ARFGEF1: variants seen among roughly 807,000 people sequenced by gnomAD.
The protein encoded by ARFGEF1 is brefeldin A-inhibited guanine nucleotide-exchange protein 1.
In ARFGEF1, 42 loss-of-function variants were observed where a neutral mutation model predicts 231.0. The observed-to-expected ratio is 0.18, with a 90% confidence interval of 0.14 to 0.24. The LOEUF is 0.24. ARFGEF1 is among the 10% of genes least tolerant of loss of function. The pLI, the probability that ARFGEF1 is intolerant of heterozygous loss-of-function variation, is 1.00. For missense variants in ARFGEF1, 1,345 were observed against 2,192.0 expected, an observed-to-expected ratio of 0.61 and a Z score of 7.72; for synonymous variants, 710 against 732.3, an observed-to-expected ratio of 0.97 and a Z score of 0.49.
At chr8:67,235,062 GTATGTGTGTATATATATATA>G (rs1839675793) in intron 22 of ARFGEF1, among the ~76,000 whole-genome samples, 1 of 146,888 alleles carries the variant, frequency 6.8e-6, no homozygotes, top group African/African-American at 2.6e-5. Context: ...AAAAATATGT[GTATGTGTGTATATATATATA>G]TATGTGTGTG....
At chr8:67,222,751 A>G (rs893624890) in intron 29 of ARFGEF1, among the ~76,000 whole-genome samples, 10 of 151,724 alleles carry the variant, frequency 6.6e-5, no homozygotes, top group Admixed American at 5.9e-4. Context: ...TGCCTGGCCA[A>G]ATTTTTGTAT....
intron 7 of ARFGEF1, among the ~76,000 whole-genome samples, chr8:67,280,623 A>T (rs1805494740): frequency 6.6e-6 from 1 of 152,184 alleles, no homozygotes; most frequent in Non-Finnish European, 1.5e-5. Context: ...ATTCACCCCA[A>T]GCTTGACTTT....
chr8:67,196,955 T>C (rs1248046298), downstream of ARFGEF1, among the ~76,000 whole-genome samples: 1 of 152,004 alleles, frequency 6.6e-6, no homozygotes, highest in African/African-American at 2.4e-5. Context: ...AAGCAAAGAC[T>C]GAATACTTTT....
At chr8:67,322,625 A>T (rs2128928451) in intron 1 of ARFGEF1, among the ~76,000 whole-genome samples, 1 of 152,292 alleles carries the variant, frequency 6.6e-6, no homozygotes, top group East Asian at 1.9e-4. Flanking sequence ...GAATCACTTC[A>T]GCCCAGGAGT....
chr8:67,209,924 G>A (rs1345004740), intron 34 of ARFGEF1, among the ~76,000 whole-genome samples: 6 of 151,926 alleles, frequency 3.9e-5, no homozygotes, highest in South Asian at 2.1e-4. Flanking sequence ...AGGCCAAGCC[G>A]GGTGGATCAC....
chr8:67,301,086 T>TA (rs1461956095), intron 3 of ARFGEF1, 138 bp downstream of exon 3: 16 of 801,748 alleles, frequency 2.0e-5, no homozygotes, highest in Non-Finnish European at 3.0e-5. Context: ...GTCTTAAATA[T>TA]AAAAAATCAC....
intron 1 of ARFGEF1, 62 bp downstream of exon 1, chr8:67,343,102 C>CCCGGGG: frequency 3.6e-6 from 2 of 560,590 alleles, no homozygotes; most frequent in Non-Finnish European, 5.4e-6. Flanking sequence ...CACCCCCCCA[C>CCCGGGG]AGGCGCCCCC....
chr8:67,285,335 G>A (rs1484636645), intron 7 of ARFGEF1, among the ~76,000 whole-genome samples: 1 of 151,962 alleles, frequency 6.6e-6, no homozygotes, highest in Non-Finnish European at 1.5e-5. Flanking sequence ...GACAACACAA[G>A]CAAGACCCCA....
At chr8:67,244,329 T>TGAGGCAGGTTCAA (rs1437267388) in intron 19 of ARFGEF1, among the ~76,000 whole-genome samples, 1 of 145,730 alleles carries the variant, frequency 6.9e-6, no homozygotes, top group African/African-American at 2.6e-5. Flanking sequence ...TTTTTTTTTT[T>TGAGGCAGGTTCAA]TTTTGAGGAT....
intron 5 of ARFGEF1, among the ~76,000 whole-genome samples, chr8:67,188,987 G>A (rs1197411580): frequency 6.6e-6 from 1 of 152,196 alleles, no homozygotes; most frequent in South Asian, 2.1e-4. Flanking sequence ...CCGCCATCTT[G>A]GAAGCGGCCC....
intron 34 of ARFGEF1, among the ~76,000 whole-genome samples, chr8:67,209,963 T>C (rs2129577712): frequency 6.6e-6 from 1 of 151,966 alleles, no homozygotes; most frequent in East Asian, 1.9e-4. Context: ...CCACCCTGAC[T>C]ACCGTGGTGA....
At chr8:67,277,914 T>A (rs1805378758) in intron 7 of ARFGEF1, among the ~76,000 whole-genome samples, 1 of 152,170 alleles carries the variant, frequency 6.6e-6, no homozygotes, top group Non-Finnish European at 1.5e-5. Flanking sequence ...GTATGTTGTG[T>A]TTCCAAAATT....
intron 35 of ARFGEF1, among the ~76,000 whole-genome samples, chr8:67,204,031 C>T (rs1563834244): frequency 1.3e-5 from 2 of 152,180 alleles, no homozygotes; most frequent in Non-Finnish European, 2.9e-5. Context: ...TACTGGAAAG[C>T]TCTTACCAGT....
In ARFGEF1 at chr8:67,319,665, A is replaced by C. The variant is rs1442976926; in HGVS notation, c.125-17199T>G. Among the ~76,000 whole-genome samples the C allele has an allele frequency of 2.0e-5, 3 of 152,314 alleles. 1 individual carries two copies. Among genetic ancestry groups the C allele is most frequent in the Middle Eastern group, 6.8e-3 (2 of 294 alleles). On this transcript the variant is annotated intron_variant, in intron 1 of 38. Transcript: ENST00000262215. ...ATTCGGCAGAGTTCTTAGATAAAATACCAAAAGCATGTGACATAAAAGAAA... is the reference window on the plus strand; with the variant it reads ...ATTCGGCAGAGTTCTTAGATAAAATCCCAAAAGCATGTGACATAAAAGAAA...
At chr8:67,320,839 G>A (rs1460276497) in intron 1 of ARFGEF1, among the ~76,000 whole-genome samples, 2 of 151,968 alleles carry the variant, frequency 1.3e-5, no homozygotes, top group African/African-American at 4.8e-5. Flanking sequence ...GCAGGCGCCT[G>A]TAATCCAGCT....
chr8:67,244,313 G>GTTT (rs1322146467), intron 19 of ARFGEF1, among the ~76,000 whole-genome samples: 4 of 83,534 alleles, frequency 4.8e-5, no homozygotes, highest in African/African-American at 1.9e-4. Context: ...TGTTGTTGTT[G>GTTT]TTGTTTTTTT....
intron 7 of ARFGEF1, among the ~76,000 whole-genome samples, chr8:67,280,594 T>A (rs1464118395): frequency 6.6e-6 from 1 of 152,150 alleles, no homozygotes; most frequent in African/African-American, 2.4e-5. Context: ...CAGTGTAGAA[T>A]ATATAAAAAG....
At position 67,302,426 on chromosome 8, in the gene ARFGEF1, T is replaced by C; in HGVS notation, c.155+10A>G. The C allele has an allele frequency of 6.4e-7, 1 of 1,562,486 alleles. No homozygotes were observed. The highest frequency in any genetic ancestry group is 8.6e-7 in the Non-Finnish European group (1 of 1,159,198). The stretch of plus-strand genomic sequence containing the variant: ...AATTATTTTTACTAAAGAAAAGAAA[T>C]CCCACAAACCTCTGTTTTTCAGTTT... On this transcript the variant is annotated intron_variant, in intron 2 of 38. Transcript: ENST00000262215.
At chr8:67,300,122 G>C (rs1025722254) in intron 3 of ARFGEF1, among the ~76,000 whole-genome samples, 2 of 151,992 alleles carry the variant, frequency 1.3e-5, no homozygotes, top group Non-Finnish European at 2.9e-5. Context: ...CCATATACTA[G>C]CTGAGATAAA....
Sources: allele counts gnomAD v4.1 joint callset (sites outside exome capture counted in the v4.1 genomes callset), GRCh38; gene constraint gnomAD v4.1.1; transcripts MANE v1.5; gene names NCBI Gene and HGNC (gene_info 2026-07-23, HGNC 2026-07-21).